Variants in ASPG observed in about 807,000 individuals in gnomAD.
ASPG encodes the protein 60 kDa lysophospholipase.
In ASPG, 53 loss-of-function variants were observed where a neutral mutation model predicts 63.2. That is an observed-to-expected ratio of 0.84 (90% confidence interval 0.67 to 1.05). The LOEUF (loss-of-function observed/expected upper bound fraction) is 1.05, where lower values mean the gene tolerates loss of function less well. Ranked by LOEUF, ASPG falls within the 50% of genes least tolerant of loss-of-function variation. The pLI, the probability that ASPG is intolerant of heterozygous loss-of-function variation, is 0.00. For synonymous variants in ASPG, 370 were observed against 355.0 expected, an observed-to-expected ratio of 1.04 and a Z score of -0.48; for missense variants, 741 against 794.4, an observed-to-expected ratio of 0.93 and a Z score of 0.81.
In ASPG at chr14:104,112,019, C is replaced by A. The variant is rs928868020; in HGVS notation, c.1701+19C>A. ...ATGCCCAGTAAGTCCCCACCCCAGG[C>A]GGGGCTGACACCCCCCAGTGAGCTT... On this transcript the variant is annotated intron_variant, in intron 15 of 15. Transcript: ENST00000551177. 6.5e-7 allele frequency: 1 copy of A among 1,545,930 alleles called. No homozygotes were observed. Among genetic ancestry groups the A allele is most frequent in the Non-Finnish European group, 8.7e-7 (1 of 1,143,050 alleles).
In ASPG at chr14:104,103,685, G is replaced by T; in HGVS notation, c.753+10G>T. The stretch of plus-strand genomic sequence containing the variant: ...GATCCCTGCCGCCCTGGTAGGGACC[G>T]CCCCGGCCATCCTGCCCCTGCAGCC... On this transcript the variant is annotated intron_variant, in intron 7 of 15. Transcript: ENST00000551177. The T allele has an allele frequency of 1.3e-6, 2 of 1,543,170 alleles. No homozygotes were observed. Among genetic ancestry groups the T allele is most frequent in the Non-Finnish European group, 1.7e-6 (2 of 1,143,288 alleles).
At chr14:104,108,389 G>A in intron 12 of ASPG, 1 of 985,146 alleles carries the variant, frequency 1.0e-6, no homozygotes, top group Non-Finnish European at 1.2e-6. Flanking sequence ...GTCTCCTCCT[G>A]ACTCACAGGA....
At chr14:104,093,131 G>T (rs45574040) in intron 2 of ASPG, 25 of 486,008 alleles carry the variant, frequency 5.1e-5, no homozygotes, top group Non-Finnish European at 9.4e-5. Flanking sequence ...CACAGCTGGG[G>T]GTGAGCTGGG....
At chr14:104,108,492 G>A in intron 12 of ASPG, 1 of 985,446 alleles carries the variant, frequency 1.0e-6, no homozygotes, top group Non-Finnish European at 1.2e-6. Flanking sequence ...GTGCCTGAGT[G>A]GGGTATGGGG....
At position 104,086,632 on chromosome 14, in the gene ASPG, A is replaced by G. The variant is rs570193254; in HGVS notation, c.82+780A>G. Among the ~76,000 whole-genome samples the G allele has an allele frequency of 7.9e-5, 12 of 152,156 alleles. No homozygotes were observed. In the East Asian group the frequency reaches 2.3e-3, roughly 30 times the overall value. The stretch of plus-strand genomic sequence containing the variant: ...CCAGAATGCCTGGGTGTTCCCCAGG[A>G]GGGCAGGACACTGCCTGGGGCCCCC... On this transcript the variant is annotated intron_variant, in intron 1 of 15. Transcript: ENST00000551177.
chr14:104,097,183 C>T (rs2036632022), intron 4 of ASPG, among the ~76,000 whole-genome samples: 1 of 152,204 alleles, frequency 6.6e-6, no homozygotes, highest in Non-Finnish European at 1.5e-5. Flanking sequence ...CTGCTGCCAG[C>T]ACTGGGCTCT....
At chr14:104,093,366 C>A in intron 2 of ASPG, 125 bp from the exon 3 acceptor site, 1 of 830,948 alleles carries the variant, frequency 1.2e-6, no homozygotes, top group Non-Finnish European at 2.0e-6. Flanking sequence ...TTGCTATGTG[C>A]GGAGCCCTTG....
At chr14:104,111,760 C>A in intron 14 of ASPG, 159 bp downstream of exon 14, 1 of 933,318 alleles carries the variant, frequency 1.1e-6, no homozygotes, top group Non-Finnish European at 1.6e-6. Flanking sequence ...GGGTCCCCTT[C>A]CCGGGGCTCT....
chr14:104,109,563 C>G lies in ASPG; in HGVS notation c.1520+248C>G, dbSNP rs1486723748. Among the ~76,000 whole-genome samples, 1 of 151,204 alleles carries G rather than the reference C, an allele frequency of 6.6e-6. No homozygotes were observed. Among genetic ancestry groups the G allele is most frequent in the Non-Finnish European group, 1.5e-5 (1 of 67,914 alleles). On this transcript the variant is annotated intron_variant, in intron 13 of 15. Transcript: ENST00000551177. The surrounding 1 kb of genome is among the most constrained non-coding windows in gnomAD (Gnocchi z 4.8). ...TCCAGCAAGGGTGTCTCTGTGTGCA[C>G]ATGTGTGCATGTGTGTATGCATGTG...
In ASPG at chr14:104,111,870, G is replaced by A. The variant is rs748237810; in HGVS notation, c.1621-50G>A. On this transcript the variant is annotated intron_variant, in intron 14 of 15. Coordinates refer to ENST00000551177, the MANE Select transcript of ASPG (RefSeq NM_001080464.3). ...CTGGGGATGGGGATCCTTGGGCCAG[G>A]CTGCTAGTCAGTGGCCCCAAGGCAG... 8 of 1,517,688 alleles carry A rather than the reference G, an allele frequency of 5.3e-6. No individual in the cohort carries two copies. The East Asian group carries it at 1.5e-4, about 28-fold the overall frequency. 94.0% of individuals were successfully genotyped at this position (1,517,688 alleles called of 1,614,324 possible).
Position 104,098,918 on chromosome 14 carries a change from G to A in ASPG, c.579G>A (p.Arg193=). ...GGGCAACCAAGGTAGACGCTCGGAG[G>A]TTCGCAGCTTTCTGCTCCCCGAACC... The part of the protein sequence containing the change: ...GNRATKVDAR[R]FAAFCSPNLL... Residue 193 remains arginine, a synonymous_variant, in exon 6 of 16, where the codon AGG becomes AGA. Coordinates refer to ENST00000551177, the MANE Select transcript of ASPG (RefSeq NM_001080464.3). 1.2e-6 allele frequency: 2 copies of A among 1,610,270 alleles called. No individual in the cohort carries two copies. The highest frequency in any genetic ancestry group is 1.3e-5 in the African/African-American group (1 of 75,058).
intron 15 of ASPG, 87 bp from the exon 16 acceptor site, chr14:104,112,437 C>A: frequency 2.4e-6 from 2 of 816,874 alleles, no homozygotes; most frequent in East Asian, 2.5e-5. Flanking sequence ...TGGGCTGTGC[C>A]GTACAGACGG....
rs1437177717 is a variant in ASPG at position 104,085,705 on chromosome 14, C to T, written c.-66C>T. ...GCCCCGGGCCTCCTCCGCGCAGTCCCTGAGTCCCGCAGGCCCTGCGTCCCC... is the reference window on the plus strand; with the variant it reads ...GCCCCGGGCCTCCTCCGCGCAGTCCTTGAGTCCCGCAGGCCCTGCGTCCCC... On this transcript the variant is annotated 5_prime_UTR_variant, in exon 1 of 16. Transcript: ENST00000551177. The T allele has an allele frequency of 1.4e-6, 2 of 1,395,118 alleles. No homozygotes were observed. Among genetic ancestry groups the T allele is most frequent in the African/African-American group, 1.5e-5 (1 of 66,076 alleles). 86.4% of individuals were successfully genotyped at this position (1,395,118 alleles called of 1,614,324 possible).
At chr14:104,102,742 C>T (rs183166910) in intron 6 of ASPG, among the ~76,000 whole-genome samples, 2 of 152,246 alleles carry the variant, frequency 1.3e-5, no homozygotes, top group Admixed American at 6.5e-5. Context: ...GCGGGAAAGT[C>T]GGCAGAACCC....
Position 104,085,904 on chromosome 14 carries a change from G to A in ASPG, c.82+52G>A. The A allele has an allele frequency of 2.6e-6, 4 of 1,514,878 alleles. No homozygotes were observed. In the South Asian group the frequency reaches 3.6e-5, roughly 14 times the overall value. The allele number at this position is 1,514,878 out of a possible 1,614,324, so 93.8% of individuals were successfully genotyped here. A position where few individuals can be genotyped will look rare whatever the true frequency, so the allele number is the denominator to read the frequency against. ...GGCCTCTGGACCTGGCCGCGACCGG[G>A]AGCCTCGGACCCTCCTGCACCCACG... On this transcript the variant is annotated intron_variant, in intron 1 of 15. Transcript: ENST00000551177.
chr14:104,105,458 C>A lies in ASPG; in HGVS notation c.1173+8C>A, dbSNP rs772113260. The A allele has an allele frequency of 3.2e-6, 5 of 1,571,520 alleles. No homozygotes were observed. Among genetic ancestry groups the A allele is most frequent in the Admixed American group, 3.6e-5 (2 of 54,924 alleles). ...AGTCTGAGCGGCAGCCAGGTAATGG[C>A]GTGGGACACGGGCCTGAGTGGCAGC... On this transcript the variant is annotated splice_region_variant and intron_variant, in intron 10 of 15. Coordinates refer to ENST00000551177, the MANE Select transcript of ASPG (RefSeq NM_001080464.3).
intron 3 of ASPG, 95 bp downstream of exon 3, chr14:104,093,697 AGTGGGCAGGGCTG>A: frequency 2.1e-6 from 1 of 480,712 alleles, no homozygotes; most frequent in Non-Finnish European, 2.7e-6. Flanking sequence ...GGCTGTGGAG[AGTGGGCAGGGCTG>A]TTGGGTGTGA....
chr14:104,088,841 G>A (rs1321127730), intron 1 of ASPG, among the ~76,000 whole-genome samples: 1 of 152,138 alleles, frequency 6.6e-6, no homozygotes, highest in Non-Finnish European at 1.5e-5. Flanking sequence ...GGGCTGAGGA[G>A]TTTCCAAGTC....
intron 1 of ASPG, among the ~76,000 whole-genome samples, chr14:104,092,295 G>A (rs189305516): frequency 1.3e-5 from 2 of 152,266 alleles, no homozygotes; most frequent in African/African-American, 2.4e-5. Flanking sequence ...CGTGGGCCTT[G>A]GTGGGGAGTG....
Sources: gnomAD v4.1 joint callset for allele counts (sites outside exome capture counted in the v4.1 genomes callset) on GRCh38, gnomAD v4.1.1 for gene constraint, Gnocchi (gnomAD v3.1) non-coding constraint, MANE v1.5 for transcripts, NCBI Gene and HGNC (gene_info 2026-07-23, HGNC 2026-07-21) for gene names.